The following CNTN4 variants were observed in gnomAD, a reference collection of about 807,000 sequenced individuals.
CNTN4 encodes contactin 4, also known as contactin-4.
In CNTN4, 77 loss-of-function variants were observed where a neutral mutation model predicts 122.5. The observed-to-expected ratio is 0.63, with a 90% CI of 0.52 to 0.76. The LOEUF is 0.76. Ranked by LOEUF, CNTN4 falls within the 30% of genes least tolerant of loss-of-function variation. CNTN4 has a pLI of 0.00. For synonymous variants in CNTN4, 512 were observed against 447.0 expected (o/e 1.15, Z -1.83); for missense variants, 1,256 against 1,259.1 (o/e 1.00, Z 0.04).
intron 4 of CNTN4, among the ~76,000 whole-genome samples, chr3:2,621,921 G>C (rs999816612): frequency 2.0e-5 from 3 of 152,252 alleles, no homozygotes; most frequent in East Asian, 1.9e-4. Flanking sequence ...ACTTGCAGCA[G>C]ACCATTATGT....
At chr3:2,762,932 T>G in intron 6 of CNTN4, among the ~76,000 whole-genome samples, 1 of 148,184 alleles carries the variant, frequency 6.7e-6, no homozygotes. Flanking sequence ...ATCAGTGATG[T>G]CAAGCTTTTT....
At chr3:2,886,547 T>G (rs1235612058) in intron 9 of CNTN4, among the ~76,000 whole-genome samples, 2 of 147,364 alleles carry the variant, frequency 1.4e-5, no homozygotes, top group Non-Finnish European at 3.0e-5. Context: ...AGTCTCGCTC[T>G]GTCGCCCAGG....
At position 2,295,950 on chromosome 3, in the gene CNTN4, C is replaced by G. The variant is rs757162348; in HGVS notation, c.-144-43228C>G. On this transcript the variant is annotated intron_variant, in intron 2 of 24. Transcript: ENST00000418658. The stretch of plus-strand genomic sequence containing the variant: ...TAAATAGGGAATCCTTTCCGCATTT[C>G]TTGTTTTTATCAGGTTTGTCAAAGA... Among the ~76,000 whole-genome samples, 49 of 152,130 alleles carry G rather than the reference C, an allele frequency of 3.2e-4. 1 individual carries two copies. Among genetic ancestry groups the G allele is most frequent in the Non-Finnish European group, 4.4e-4 (30 of 68,024 alleles).
chr3:2,445,411 G>A (rs1262301925), intron 3 of CNTN4, among the ~76,000 whole-genome samples: 3 of 152,068 alleles, frequency 2.0e-5, no homozygotes, highest in East Asian at 3.9e-4. Context: ...GATAAATCTC[G>A]AAGATAGAGG....
At chr3:2,792,980 G>T (rs1270217156) in intron 6 of CNTN4, among the ~76,000 whole-genome samples, 1 of 152,194 alleles carries the variant, frequency 6.6e-6, no homozygotes, top group Non-Finnish European at 1.5e-5. Context: ...CACCACCCAT[G>T]ACCTGAGACA....
Position 2,736,365 on chromosome 3 carries a change from T to C in CNTN4, c.182+24T>C, listed in dbSNP as rs745556054. 3 of 1,607,158 alleles carry C rather than the reference T, an allele frequency of 1.9e-6. No individual in the cohort carries two copies. The East Asian group carries it at 6.7e-5, about 36-fold the overall frequency. On this transcript the variant is annotated intron_variant, in intron 5 of 24. Transcript: ENST00000418658. ...AGGTTTGTTGATGTAAAAGCATGTG[T>C]TTCCATGCATATAGTTTCTGTTATT...
intron 10 of CNTN4, among the ~76,000 whole-genome samples, chr3:2,899,394 G>T (rs2094148719): frequency 6.6e-6 from 1 of 152,150 alleles, no homozygotes; most frequent in Admixed American, 6.5e-5. Context: ...TATCAACTTT[G>T]ATTATTAGGT....
chr3:2,340,710 T>TATAGAGAGAGAGAGAGAGAGAG, intron 3 of CNTN4, among the ~76,000 whole-genome samples: 1 of 18,306 alleles, frequency 5.5e-5, no homozygotes, highest in African/African-American at 1.0e-4. Flanking sequence ...TATATATATA[T>TATAGAGAGAGAGAGAGAGAGAG]AGAGAGAGAG....
intron 2 of CNTN4, among the ~76,000 whole-genome samples, chr3:2,287,724 G>T (rs1355898757): frequency 2.7e-5 from 2 of 73,294 alleles, no homozygotes; most frequent in African/African-American, 9.6e-5. Flanking sequence ...AGAAGAAGAA[G>T]AAGAAGAAGA....
intron 14 of CNTN4, among the ~76,000 whole-genome samples, chr3:3,009,668 C>A (rs532430778): frequency 2.0e-5 from 3 of 152,096 alleles, no homozygotes; most frequent in East Asian, 1.9e-4. Flanking sequence ...CTCCTGACCT[C>A]GTGATCTGCC....
intron 3 of CNTN4, among the ~76,000 whole-genome samples, chr3:2,418,026 T>C (rs2047480220): frequency 6.6e-6 from 1 of 152,120 alleles, no homozygotes; most frequent in African/African-American, 2.4e-5. Context: ...TTTACGGCAG[T>C]GAAACTAATC....
intron 2 of CNTN4, among the ~76,000 whole-genome samples, chr3:2,300,611 C>CA (rs1368641031): frequency 3.5e-5 from 4 of 112,992 alleles, no homozygotes; most frequent in Non-Finnish European, 6.6e-5. Context: ...CTTGCTCTGT[C>CA]TCCAGGCTGG....
chr3:2,748,872 A>G (rs2089942814), intron 6 of CNTN4, among the ~76,000 whole-genome samples: 1 of 152,130 alleles, frequency 6.6e-6, no homozygotes, highest in Admixed American at 6.5e-5. Flanking sequence ...TAAATCTCAA[A>G]CTCATTACCA....
At chr3:2,915,291 C>T (rs2094341631) in intron 12 of CNTN4, among the ~76,000 whole-genome samples, 1 of 152,190 alleles carries the variant, frequency 6.6e-6, no homozygotes, top group African/African-American at 2.4e-5. Context: ...GTCTCAAACT[C>T]CTGACCTCAA....
chr3:2,656,958 A>G (rs138550437), intron 4 of CNTN4, among the ~76,000 whole-genome samples: 1 of 152,308 alleles, frequency 6.6e-6, no homozygotes, highest in African/African-American at 2.4e-5. Context: ...TCTCTGAAAA[A>G]CCTATACATA....
chr3:2,814,037 T>C (rs779316293), intron 6 of CNTN4, among the ~76,000 whole-genome samples: 1 of 152,206 alleles, frequency 6.6e-6, no homozygotes, highest in Non-Finnish European at 1.5e-5. Flanking sequence ...CATTTTAAAA[T>C]GAAATTCAGG....
intron 3 of CNTN4, among the ~76,000 whole-genome samples, chr3:2,554,893 G>A (rs1054625456): frequency 3.9e-5 from 6 of 152,150 alleles, no homozygotes; most frequent in Admixed American, 2.6e-4. Flanking sequence ...TTTGTCCCAT[G>A]GGATTTTCAT....
chr3:2,711,189 C>T (rs1015416766), intron 4 of CNTN4, among the ~76,000 whole-genome samples: 1 of 152,038 alleles, frequency 6.6e-6, no homozygotes, highest in African/African-American at 2.4e-5. Flanking sequence ...CTACAGGGGC[C>T]GGATACAGAA....
chr3:2,622,911 C>T (rs533705609), intron 4 of CNTN4, among the ~76,000 whole-genome samples: 1 of 152,292 alleles, frequency 6.6e-6, no homozygotes, highest in East Asian at 1.9e-4. Context: ...AAAAATAGGT[C>T]ATATGAGAAT....
Sources: allele counts gnomAD v4.1 joint callset (sites outside exome capture counted in the v4.1 genomes callset), GRCh38; gene constraint gnomAD v4.1.1; transcripts MANE v1.5; gene names NCBI Gene and HGNC (gene_info 2026-07-23, HGNC 2026-07-21).